ATP1A2: variants seen among roughly 807,000 people sequenced by gnomAD.
ATP1A2 encodes the protein ATPase Na+/K+ transporting subunit alpha 2, also known as sodium/potassium-transporting ATPase subunit alpha-2.
Under a neutral mutation model 113.1 loss-of-function variants are expected in ATP1A2, and 56 were observed. That is an observed-to-expected ratio of 0.49 (90% CI 0.40 to 0.62). ATP1A2 has a LOEUF of 0.62. ATP1A2 is among the 20% of genes least tolerant of loss of function. The pLI, the probability that ATP1A2 is intolerant of heterozygous loss-of-function variation, is 0.00. For synonymous variants in ATP1A2, 490 were observed against 526.8 expected, an observed-to-expected ratio of 0.93 and a Z score of 0.96; for missense variants, 712 against 1,357.8, an observed-to-expected ratio of 0.52 and a Z score of 7.47.
At chr1:160,131,180 A>G (rs542851162) in intron 13 of ATP1A2, among the ~76,000 whole-genome samples, 1 of 152,314 alleles carries the variant, frequency 6.6e-6, no homozygotes, top group African/African-American at 2.4e-5. Flanking sequence ...GATACATAGT[A>G]AACAATTTGT....
intron 20 of ATP1A2, among the ~76,000 whole-genome samples, chr1:160,139,042 G>A (rs1350394517): frequency 6.6e-6 from 1 of 152,178 alleles, no homozygotes; most frequent in Non-Finnish European, 1.5e-5. Context: ...CTAGTCAATG[G>A]CAGAACTGGG....
At chr1:160,130,026 C>T (rs1651719653) in intron 11 of ATP1A2, 76 bp from the exon 12 acceptor site, 1 of 1,582,744 alleles carries the variant, frequency 6.3e-7, no homozygotes, top group Admixed American at 1.7e-5. Flanking sequence ...AAGGTGGTTT[C>T]CTTACCAGCT....
At chr1:160,136,537 A>AACCTGC in intron 18 of ATP1A2, 33 bp from the exon 19 acceptor site, 1 of 1,614,026 alleles carries the variant, frequency 6.2e-7, no homozygotes, top group Non-Finnish European at 8.5e-7. Flanking sequence ...TCCTGCTCTG[A>AACCTGC]CCCTGCCCCT....
intron 22 of ATP1A2, 186 bp downstream of exon 22, chr1:160,140,170 A>C (rs983701485): frequency 4.7e-6 from 3 of 631,718 alleles, no homozygotes; most frequent in African/African-American, 1.8e-5. Context: ...CCCTCTTCCC[A>C]TCAGATTCTA....
At chr1:160,119,514 AC>A (rs1032893448) in intron 1 of ATP1A2, among the ~76,000 whole-genome samples, 1 of 152,036 alleles carries the variant, frequency 6.6e-6, no homozygotes, top group Admixed American at 6.6e-5. Flanking sequence ...GTAAGAAGGT[AC>A]CTTTTTGGGA....
chr1:160,138,216 G>T (rs946682155), intron 20 of ATP1A2, among the ~76,000 whole-genome samples: 1 of 152,176 alleles, frequency 6.6e-6, no homozygotes, highest in South Asian at 2.1e-4. Flanking sequence ...CCTCAGAGAT[G>T]CTATTTGCCT....
At chr1:160,122,206 T>C (rs769948203) in intron 3 of ATP1A2, among the ~76,000 whole-genome samples, 1 of 152,186 alleles carries the variant, frequency 6.6e-6, no homozygotes, top group Non-Finnish European at 1.5e-5. Context: ...CTGCTCTTTC[T>C]AAAATTCTAT....
chr1:160,141,497 C>CA lies in ATP1A2; in HGVS notation c.*176dup. 4 of 756,330 alleles carry CA rather than the reference C, an allele frequency of 5.3e-6. No individual in the cohort carries two copies. The highest frequency in any genetic ancestry group is 9.2e-6 in the Non-Finnish European group (4 of 434,504). The allele number at this position is 756,330 out of a possible 1,614,324, so 46.9% of individuals were successfully genotyped here. On this transcript the variant is annotated 3_prime_UTR_variant, in exon 23 of 23. Coordinates refer to ENST00000361216, the MANE Select transcript of ATP1A2 (RefSeq NM_000702.4). ...GGTATATAAATTGGGGTGATGACCC[C>CA]ATAGACCTAACTGTGAACAATCAGA... is the stretch of plus-strand genomic sequence containing the variant.
At position 160,121,120 on chromosome 1, in the gene ATP1A2, C is replaced by G. The variant is rs1226309606; in HGVS notation, c.118-72C>G. On this transcript the variant is annotated intron_variant, in intron 2 of 22. Transcript: ENST00000361216. ...GTCCCCCATGCTGCTCAACTCACCC[C>G]TGTGCCCTGCAGTACCCTCATATGC... The G allele has an allele frequency of 5.6e-6, 9 of 1,600,656 alleles. No individual in the cohort carries two copies. The African/African-American group carries it at 8.0e-5, about 14-fold the overall frequency.
chr1:160,133,615 G>C (rs531855145), intron 13 of ATP1A2, among the ~76,000 whole-genome samples: 5 of 152,240 alleles, frequency 3.3e-5, no homozygotes, highest in African/African-American at 1.2e-4. Context: ...CAGGGGTGTT[G>C]TCTCCATCTT....
Position 160,140,001 on chromosome 1 carries a change from T to G in ATP1A2, c.3034+17T>G, listed in dbSNP as rs890218721. 5 of 1,610,296 alleles carry G rather than the reference T, an allele frequency of 3.1e-6. No homozygotes were observed. The African/African-American group carries it at 6.7e-5, about 22-fold the overall frequency. ...ATCCTGGTGGTAAGCCCCTCCACAT[T>G]CCCCCCAGCAAAGTGCAAGCCCCAC... On this transcript the variant is annotated intron_variant, in intron 22 of 22. Coordinates refer to ENST00000361216, the MANE Select transcript of ATP1A2 (RefSeq NM_000702.4).
chr1:160,124,841 C>T lies in ATP1A2; in HGVS notation c.631-295C>T, dbSNP rs368712535. Reference sequence around the variant, plus strand: ...ATAACTACAGTGTTAGTGTCTCCCCCTGTGGTTGTGCAAGGCAGAGATTCT... The same window carrying T: ...ATAACTACAGTGTTAGTGTCTCCCCTTGTGGTTGTGCAAGGCAGAGATTCT... On this transcript the variant is annotated intron_variant, in intron 6 of 22. Coordinates refer to ENST00000361216, the MANE Select transcript of ATP1A2 (RefSeq NM_000702.4). 1.2e-3 allele frequency among the ~76,000 whole-genome samples: 183 copies of T among 152,294 alleles called. 1 individual carries two copies. The South Asian group carries it at 0.016, about 13-fold the overall frequency.
At chr1:160,127,314 C>T (rs947016247) in intron 7 of ATP1A2, among the ~76,000 whole-genome samples, 7 of 152,204 alleles carry the variant, frequency 4.6e-5, no homozygotes, top group Admixed American at 6.5e-5. Flanking sequence ...AGATTATTTG[C>T]AAGCTTCTCC....
chr1:160,143,581 T>A lies in ATP1A2; in HGVS notation c.*2259T>A, dbSNP rs3747625. 33,362 of 152,250 alleles carry A rather than the reference T, an allele frequency of 0.22. 3,746 individuals carry two copies. Among genetic ancestry groups the A allele is most frequent in the South Asian group, 0.28 (1,353 of 4,804 alleles). The allele number at this position is 152,250 out of a possible 1,614,324, so 9.4% of individuals were successfully genotyped here. ...AAAATAATAAAGTGGCATTTCTTTA[T>A]GAAAAAAAAAGAAATCTCTTCCATA... On this transcript the variant is annotated 3_prime_UTR_variant, in exon 23 of 23. Coordinates refer to ENST00000361216, the MANE Select transcript of ATP1A2 (RefSeq NM_000702.4).
At chr1:160,126,402 T>C (rs755886731) in intron 7 of ATP1A2, among the ~76,000 whole-genome samples, 1 of 152,216 alleles carries the variant, frequency 6.6e-6, no homozygotes, top group Non-Finnish European at 1.5e-5. Context: ...TCTATGGACA[T>C]GGAATCTGTG....
intron 7 of ATP1A2, among the ~76,000 whole-genome samples, chr1:160,126,353 T>G (rs1185144688): frequency 6.6e-6 from 1 of 152,270 alleles, no homozygotes; most frequent in East Asian, 1.9e-4. Flanking sequence ...TTGTTATTTT[T>G]ATTTAGCTCC....
chr1:160,121,420 G>A, intron 3 of ATP1A2, 169 bp downstream of exon 3: 4 of 794,064 alleles, frequency 5.0e-6, no homozygotes. Context: ...GGCACAGCCA[G>A]AACTAGAATT....
intron 1 of ATP1A2, among the ~76,000 whole-genome samples, chr1:160,120,655 C>A (rs1421650047): frequency 6.6e-6 from 1 of 152,190 alleles, no homozygotes; most frequent in East Asian, 1.9e-4. Flanking sequence ...AGCATTAAAC[C>A]ACTCAAGTGG....
chr1:160,133,388 A>G lies in ATP1A2; in HGVS notation c.1828-1096A>G, dbSNP rs537163899. 3.2e-3 allele frequency among the ~76,000 whole-genome samples: 489 copies of G among 152,190 alleles called. 3 individuals are homozygous for G. Among genetic ancestry groups the G allele is most frequent in the Non-Finnish European group, 3.8e-3 (257 of 68,004 alleles). On this transcript the variant is annotated intron_variant, in intron 13 of 22. Coordinates refer to ENST00000361216, the MANE Select transcript of ATP1A2 (RefSeq NM_000702.4). ...TGGGGACCATGGAGGCTTCCTTTTC[A>G]GTATCCATAGGACTTGCCCTGCAAG...
Sources: gnomAD v4.1 joint callset for allele counts (sites outside exome capture counted in the v4.1 genomes callset) on GRCh38, gnomAD v4.1.1 for gene constraint, MANE v1.5 for transcripts, NCBI Gene and HGNC (gene_info 2026-07-23, HGNC 2026-07-21) for gene names.